CCDC57: variants seen among roughly 807,000 people sequenced by gnomAD.
The protein encoded by CCDC57 is coiled-coil domain-containing protein 57.
A neutral mutation model predicts 118.9 loss-of-function variants in CCDC57; 118 were observed. The ratio of observed to expected loss-of-function variants is 0.99; its 90% CI spans 0.86 to 1.16. The LOEUF (loss-of-function observed/expected upper bound fraction) is 1.16. Ranked by LOEUF, CCDC57 falls within the 50% of genes most tolerant of loss-of-function variation. The pLI is 0.00. For synonymous variants in CCDC57, 527 were observed against 532.9 expected (o/e 0.99, Z 0.15); for missense variants, 1,300 against 1,320.7 (o/e 0.98, Z 0.24).
At chr17:82,134,295 A>G (rs4789752) in intron 16 of CCDC57, 101 bp from the exon 16 acceptor site, 1,201,361 of 1,209,288 alleles carry the variant, frequency 0.99, 597,080 homozygotes, top group East Asian at 1. Context: ...GTTCCTTTTC[A>G]AAACCAAAGT....
rs185987651 is a variant in CCDC57 at position 82,196,786 on chromosome 17, C to T, written c.517-1422G>A. On this transcript the variant is annotated intron_variant, in intron 4 of 19. Coordinates refer to ENST00000665763, the Ensembl canonical transcript of CCDC57. ...CACACCTGCACCTTCACAGAAGAAG[C>T]CCCTCAGGACACCTGCAGAGACGCA... is the stretch of plus-strand genomic sequence containing the variant. Among the ~76,000 whole-genome samples the T allele has an allele frequency of 7.3e-4, 110 of 151,452 alleles. 1 individual carries two copies. Among genetic ancestry groups the T allele is most frequent in the South Asian group, 1.7e-3 (8 of 4,784 alleles).
At chr17:82,147,216 G>A (rs1476435009) in intron 16 of CCDC57, among the ~76,000 whole-genome samples, 2 of 150,348 alleles carry the variant, frequency 1.3e-5, no homozygotes, top group Non-Finnish European at 3.0e-5. Flanking sequence ...GTGGGTGCAT[G>A]GGTAGGTGGA....
chr17:82,211,388 T>C (rs116283096), intron 1 of CCDC57, among the ~76,000 whole-genome samples: 2,490 of 152,152 alleles, frequency 0.016, 72 homozygotes, highest in African/African-American at 0.057. Flanking sequence ...CAAGAATAAA[T>C]ACTGGAGACC....
exon 20 of CCDC57, chr17:82,101,637 G>A (rs371594888): frequency 4.0e-5 from 59 of 1,471,508 alleles, no homozygotes; most frequent in Middle Eastern, 3.5e-4. Flanking sequence ...GGCACCATGC[G>A]GAGGCCCCGA....
intron 15 of CCDC57, among the ~76,000 whole-genome samples, chr17:82,152,647 C>T (rs1044430761): frequency 6.6e-6 from 1 of 152,226 alleles, no homozygotes. Flanking sequence ...AGACGGGAGC[C>T]GACGACCTAC....
chr17:82,161,429 A>G (rs1419309415), intron 14 of CCDC57, among the ~76,000 whole-genome samples: 1 of 152,224 alleles, frequency 6.6e-6, no homozygotes, highest in Non-Finnish European at 1.5e-5. Context: ...TGAACTCTGC[A>G]TAAGTCCACA....
chr17:82,130,075 C>T (rs906183819), intron 17 of CCDC57, among the ~76,000 whole-genome samples: 1 of 151,818 alleles, frequency 6.6e-6, no homozygotes, highest in Non-Finnish European at 1.5e-5. Context: ...ATGGCACACA[C>T]CTGTGGTCTC....
At chr17:82,210,722 C>T (rs1382885334) in intron 1 of CCDC57, among the ~76,000 whole-genome samples, 7 of 147,280 alleles carry the variant, frequency 4.8e-5, no homozygotes, top group Non-Finnish European at 9.0e-5. Context: ...AGGCCGGGCA[C>T]GGTGGCTCAC....
At chr17:82,134,331 G>A (rs559517364) in intron 16 of CCDC57, 137 bp from the exon 16 acceptor site, 82 of 820,666 alleles carry the variant, frequency 1.0e-4, no homozygotes, top group Middle Eastern at 8.6e-4. Context: ...GAGAACTTGG[G>A]GAGGGCCGGA....
intron 8 of CCDC57, among the ~76,000 whole-genome samples, chr17:82,187,161 C>T (rs566985594): frequency 2.0e-5 from 3 of 147,932 alleles, no homozygotes; most frequent in East Asian, 2.0e-4. Context: ...CGCTTGAACC[C>T]GGGAAGTGGA....
At chr17:82,184,031 G>GCGCGCGCGCGCGCGCGCACACA in intron 8 of CCDC57, 99 bp from the exon 8 acceptor site, 1 of 125,852 alleles carries the variant, frequency 7.9e-6, no homozygotes, top group African/African-American at 4.3e-5. Context: ...GCGCGCGCGC[G>GCGCGCGCGCGCGCGCGCACACA]CACACACACA....
intron 11 of CCDC57, among the ~76,000 whole-genome samples, chr17:82,176,973 T>C (rs1398590400): frequency 1.3e-5 from 2 of 152,020 alleles, no homozygotes; most frequent in Non-Finnish European, 2.9e-5. Flanking sequence ...AGGCCGGGCA[T>C]GGTGGCTCAC....
intron 18 of CCDC57, 99 bp from the exon 18 acceptor site, chr17:82,128,007 TG>T: frequency 6.7e-7 from 1 of 1,500,248 alleles, no homozygotes; most frequent in East Asian, 2.4e-5. Context: ...AAGGCGACAG[TG>T]GGCCTGGCTT....
At chr17:82,200,356 T>C (rs1314210964) in intron 3 of CCDC57, among the ~76,000 whole-genome samples, 1 of 152,202 alleles carries the variant, frequency 6.6e-6, no homozygotes, top group Non-Finnish European at 1.5e-5. Context: ...GGTGGCTCTA[T>C]ATGGGGCCTG....
At chr17:82,198,078 A>C (rs2048521830) in intron 4 of CCDC57, among the ~76,000 whole-genome samples, 1 of 152,114 alleles carries the variant, frequency 6.6e-6, no homozygotes, top group Non-Finnish European at 1.5e-5. Flanking sequence ...ACCCTGACTA[A>C]TCCATGAGGA....
intron 1 of CCDC57, among the ~76,000 whole-genome samples, chr17:82,209,484 G>T (rs902029202): frequency 1.3e-5 from 2 of 151,894 alleles, no homozygotes; most frequent in East Asian, 3.9e-4. Flanking sequence ...AGGTTTTTTT[G>T]GTGTTTGTTG....
intron 7 of CCDC57, among the ~76,000 whole-genome samples, chr17:82,190,731 T>C (rs569902289): frequency 6.7e-6 from 1 of 149,090 alleles, no homozygotes; most frequent in South Asian, 2.1e-4. Flanking sequence ...CTTTTGATAA[T>C]GGACAATGCC....
At chr17:82,137,153 G>C (rs1050595965) in intron 16 of CCDC57, among the ~76,000 whole-genome samples, 2 of 151,730 alleles carry the variant, frequency 1.3e-5, no homozygotes, top group African/African-American at 4.8e-5. Context: ...CAGTAGCTTG[G>C]ATTACAGGCA....
chr17:82,175,788 CCTGT>C, intron 11 of CCDC57: 1 of 152,176 alleles, frequency 6.6e-6, no homozygotes, highest in Non-Finnish European at 1.5e-5. Context: ...TTAACTGAGA[CCTGT>C]CTGAGATTTT....
Sources: gnomAD v4.1 joint callset for allele counts (sites outside exome capture counted in the v4.1 genomes callset) on GRCh38, gnomAD v4.1.1 for gene constraint, MANE v1.5 for transcripts, NCBI Gene and HGNC (gene_info 2026-07-23, HGNC 2026-07-21) for gene names.